Variants in PEAK1 observed in about 807,000 individuals in gnomAD.
PEAK1 encodes pseudopodium enriched atypical kinase 1, also known as inactive tyrosine-protein kinase PEAK1.
In PEAK1, 54 loss-of-function variants were observed where a neutral mutation model predicts 124.7. The observed-to-expected ratio is 0.43, with a 90% confidence interval of 0.35 to 0.54. The LOEUF (loss-of-function observed/expected upper bound fraction) is 0.54, where lower values mean the gene tolerates loss of function less well. PEAK1 is among the 20% of genes least tolerant of loss of function. The pLI is 0.01. For synonymous variants in PEAK1, 719 were observed against 760.0 expected, an observed-to-expected ratio of 0.95 and a Z score of 0.89; for missense variants, 2,046 against 2,134.5, an observed-to-expected ratio of 0.96 and a Z score of 0.82.
chr15:77,405,367 T>A (rs1363382851), intron 1 of PEAK1, among the ~76,000 whole-genome samples: 1 of 152,186 alleles, frequency 6.6e-6, no homozygotes, highest in East Asian at 1.9e-4. Context: ...GGGCGTTACA[T>A]TATTAGCACT....
intron 6 of PEAK1, among the ~76,000 whole-genome samples, chr15:77,201,903 G>A (rs774918737): frequency 6.6e-6 from 1 of 152,144 alleles, no homozygotes; most frequent in Non-Finnish European, 1.5e-5. Flanking sequence ...AGAAGCAGAA[G>A]CAGAATCTCC....
intron 7 of PEAK1, among the ~76,000 whole-genome samples, chr15:77,168,747 T>C (rs965707986): frequency 2.0e-5 from 3 of 152,186 alleles, no homozygotes; most frequent in African/African-American, 7.2e-5. Flanking sequence ...TACAGATGCA[T>C]AGCATTCCTA....
At chr15:77,318,087 T>C (rs1262015948) in intron 2 of PEAK1, among the ~76,000 whole-genome samples, 1 of 152,148 alleles carries the variant, frequency 6.6e-6, no homozygotes, top group Non-Finnish European at 1.5e-5. Flanking sequence ...GAGATCTTTG[T>C]AGGTATGGAA....
chr15:77,333,769 T>C, intron 2 of PEAK1: 1 of 931,440 alleles, frequency 1.1e-6, no homozygotes, highest in South Asian at 5.0e-5. Flanking sequence ...CCTTGTTCCA[T>C]TCTTAGTCAA....
intron 2 of PEAK1, chr15:77,350,100 C>G: frequency 1.0e-6 from 1 of 985,330 alleles, no homozygotes; most frequent in Non-Finnish European, 1.2e-6. Context: ...AGAGCATACC[C>G]CCAAATAGGT....
In PEAK1 at chr15:77,173,894, T is replaced by C. The variant is rs576649622; in HGVS notation, c.3137+4896A>G. On this transcript the variant is annotated intron_variant, in intron 7 of 9. Transcript: ENST00000682557. ...AGCTGAATTAATCACTCTGAACACATTGTTTTAGCATTTATCCATTGAGGG... is the reference window on the plus strand; with the variant it reads ...AGCTGAATTAATCACTCTGAACACACTGTTTTAGCATTTATCCATTGAGGG... 4.0e-4 allele frequency among the ~76,000 whole-genome samples: 61 copies of C among 152,350 alleles called. No individual in the cohort carries two copies. In the South Asian group the frequency reaches 6.4e-3, roughly 16 times the overall value.
Position 77,378,585 on chromosome 15 carries a change from A to C in PEAK1, c.-665-13360T>G, listed in dbSNP as rs926059437. On this transcript the variant is annotated intron_variant, in intron 1 of 9. Coordinates refer to ENST00000682557, the MANE Select transcript of PEAK1 (RefSeq NM_001385026.1). ...CTAACACACTCTTTACTATATACTA[A>C]AACTTTATAACATTTTATGTCTTAG... Among the ~76,000 whole-genome samples the C allele has an allele frequency of 7.2e-5, 11 of 152,314 alleles. No homozygotes were observed. In the East Asian group the frequency reaches 1.3e-3, roughly 19 times the overall value.
At chr15:77,261,703 G>A (rs929659123) in intron 5 of PEAK1, among the ~76,000 whole-genome samples, 15 of 152,260 alleles carry the variant, frequency 9.9e-5, no homozygotes, top group African/African-American at 3.6e-4. Flanking sequence ...TTATCCAGGA[G>A]AACTTCCCCA....
chr15:77,253,247 G>GGC (rs1555457261), intron 5 of PEAK1, among the ~76,000 whole-genome samples: 3 of 148,466 alleles, frequency 2.0e-5, no homozygotes, highest in South Asian at 2.2e-4. Context: ...GTATGCGTTG[G>GGC]GGGGGGGGTG....
intron 2 of PEAK1, among the ~76,000 whole-genome samples, chr15:77,316,070 T>C (rs1340641968): frequency 6.6e-6 from 1 of 152,164 alleles, no homozygotes; most frequent in African/African-American, 2.4e-5. Context: ...CTTCTCAATT[T>C]TTCTATAAAT....
intron 6 of PEAK1, among the ~76,000 whole-genome samples, chr15:77,246,329 T>C (rs956554986): frequency 4.6e-5 from 7 of 152,152 alleles, no homozygotes; most frequent in African/African-American, 9.6e-5. Context: ...TTGATAGGGA[T>C]TTTATTCAAT....
intron 1 of PEAK1, among the ~76,000 whole-genome samples, chr15:77,369,159 T>C (rs529962129): frequency 2.0e-5 from 3 of 152,108 alleles, no homozygotes; most frequent in East Asian, 1.9e-4. Context: ...ATGAGTAAAA[T>C]AGTCTCAGAC....
At position 77,180,144 on chromosome 15, in the gene PEAK1, A is replaced by G; in HGVS notation, c.1783T>C (p.Phe595Leu). The change falls in exon 7 of 10, where the codon TTT becomes CTT. Residue 595 changes from phenylalanine to leucine, a missense_variant. By Grantham distance (22) the Phe-to-Leu change is conservative (BLOSUM62 0). Coordinates refer to ENST00000682557, the MANE Select transcript of PEAK1 (RefSeq NM_001385026.1). ...VKSPNLSEIK[F>L]NSYNNAGMPP... ...ATACCAGCATTGTTATAACTATTAA[A>G]TTTAATTTCAGACAAATTAGGTGAC... 6.2e-7 allele frequency: 1 copy of G among 1,614,194 alleles called. No homozygotes were observed. Among genetic ancestry groups the G allele is most frequent in the South Asian group, 1.1e-5 (1 of 91,082 alleles).
chr15:77,250,192 CATATATAT>C lies in PEAK1; in HGVS notation c.-115+2167_-115+2174del, dbSNP rs1197348228. ...ATATATATGTATATGTATATATATA[CATATATAT>C]ACATATATATGTATATATATACACA... On this transcript the variant is annotated intron_variant, in intron 6 of 9. Coordinates refer to ENST00000682557, the MANE Select transcript of PEAK1 (RefSeq NM_001385026.1). Among the ~76,000 whole-genome samples, 70 of 104,118 alleles carry C rather than the reference CATATATAT, an allele frequency of 6.7e-4. 1 individual carries two copies. Among genetic ancestry groups the C allele is most frequent in the South Asian group, 6.5e-3 (23 of 3,560 alleles). 68.3% of individuals were successfully genotyped at this position (104,118 alleles called of 152,430 possible). A position where few individuals can be genotyped will look rare whatever the true frequency, so the allele number is the denominator to read the frequency against.
intron 6 of PEAK1, among the ~76,000 whole-genome samples, chr15:77,221,036 A>G (rs1395211091): frequency 6.6e-6 from 1 of 152,152 alleles, no homozygotes; most frequent in African/African-American, 2.4e-5. Flanking sequence ...TTCTACTATG[A>G]GGATAGAATT....
At chr15:77,412,466 C>T (rs2072492564) in intron 1 of PEAK1, among the ~76,000 whole-genome samples, 1 of 152,196 alleles carries the variant, frequency 6.6e-6, no homozygotes, top group South Asian at 2.1e-4. Context: ...TGATCCATTA[C>T]TCTTTTCTTT....
intron 5 of PEAK1, among the ~76,000 whole-genome samples, chr15:77,264,233 T>A (rs1055966614): frequency 6.6e-6 from 1 of 151,960 alleles, no homozygotes; most frequent in Admixed American, 6.6e-5. Context: ...CTATTCAACA[T>A]AGTGTTGGAA....
intron 6 of PEAK1, among the ~76,000 whole-genome samples, chr15:77,205,983 C>A (rs1387711576): frequency 3.3e-5 from 4 of 120,018 alleles, no homozygotes; most frequent in Non-Finnish European, 5.2e-5. Flanking sequence ...CCCCTCCCCC[C>A]ACCCCATCAC....
At chr15:77,176,018 C>T (rs1003161819) in intron 7 of PEAK1, among the ~76,000 whole-genome samples, 5 of 151,832 alleles carry the variant, frequency 3.3e-5, no homozygotes, top group African/African-American at 1.2e-4. Context: ...AAACCAAACA[C>T]TGCATGTTCT....
Sources: gnomAD v4.1 joint callset for allele counts (sites outside exome capture counted in the v4.1 genomes callset) on GRCh38, gnomAD v4.1.1 for gene constraint, MANE v1.5 for transcripts, NCBI Gene and HGNC (gene_info 2026-07-23, HGNC 2026-07-21) for gene names.